The following HERC1 variants were observed in gnomAD, a reference collection of about 807,000 sequenced individuals.
The protein encoded by HERC1 is probable E3 ubiquitin-protein ligase HERC1.
Under a neutral mutation model 554.3 loss-of-function variants are expected in HERC1, and 160 were observed. The ratio of observed to expected loss-of-function variants is 0.29; its 90% CI spans 0.25 to 0.33. HERC1 has a LOEUF of 0.33. Among genes scored for constraint, HERC1 ranks in the 10% least tolerant of loss-of-function variants. The pLI, the probability that HERC1 is intolerant of heterozygous loss-of-function variation, is 1.00. For synonymous variants in HERC1, 2,175 were observed against 2,131.7 expected (o/e 1.02, Z -0.56); for missense variants, 4,919 against 5,918.5 (o/e 0.83, Z 5.54).
chr15:63,729,157 G>T, intron 16 of HERC1, 79 bp downstream of exon 16: 1 of 1,265,184 alleles, frequency 7.9e-7, no homozygotes, highest in Non-Finnish European at 1.1e-6. Flanking sequence ...GAGGCTTCTG[G>T]CTCTCTTAAG....
At chr15:63,673,616 A>C (rs1566996654) in intron 38 of HERC1, among the ~76,000 whole-genome samples, 1 of 53,794 alleles carries the variant, frequency 1.9e-5, no homozygotes, top group South Asian at 3.3e-4. Context: ...ATGTGAGGAT[A>C]CAAGATAAAA....
chr15:63,691,875 G>A (rs1227025388), intron 31 of HERC1, among the ~76,000 whole-genome samples: 2 of 152,172 alleles, frequency 1.3e-5, no homozygotes, highest in South Asian at 4.1e-4. Flanking sequence ...CAAATTTCAC[G>A]TTACGTGCAT....
At chr15:63,768,081 A>G (rs1417409293) in intron 2 of HERC1, among the ~76,000 whole-genome samples, 6 of 152,196 alleles carry the variant, frequency 3.9e-5, no homozygotes, top group Non-Finnish European at 7.3e-5. Context: ...ATAGCTTTCA[A>G]TAACTATGAT....
chr15:63,694,046 G>A lies in HERC1; in HGVS notation c.5592C>T (p.Phe1864=), dbSNP rs377348535. 202 of 1,602,550 alleles carry A rather than the reference G, an allele frequency of 1.3e-4. No individual in the cohort carries two copies. Among genetic ancestry groups the A allele is most frequent in the African/African-American group, 1.0e-3 (77 of 74,670 alleles). The change falls in exon 30 of 78, where the codon TTC becomes TTT. Residue 1864 remains phenylalanine (F), a synonymous_variant. Transcript: ENST00000443617. The surrounding 1 kb of genome is among the most constrained non-coding windows in gnomAD (Gnocchi z 4.3). The part of the protein sequence containing the change: ...SQTGVLHMAS[F]GEGEQEDGEE... ...CACCGTCTTCTTGCTCCCCTTCTCCGAAAGAGGCCATATGTAGTACACCAG... is the reference window on the plus strand; with the variant it reads ...CACCGTCTTCTTGCTCCCCTTCTCCAAAAGAGGCCATATGTAGTACACCAG...
chr15:63,744,164 G>GTGTGTCTCTC, intron 12 of HERC1, among the ~76,000 whole-genome samples: 8 of 46,218 alleles, frequency 1.7e-4, no homozygotes, highest in Non-Finnish European at 2.6e-4. Flanking sequence ...GTGTGTGTGT[G>GTGTGTCTCTC]TCTCTCTCTC....
chr15:63,801,781 T>A (rs753220134), intron 1 of HERC1, among the ~76,000 whole-genome samples: 4 of 152,192 alleles, frequency 2.6e-5, no homozygotes, highest in Non-Finnish European at 5.9e-5. Flanking sequence ...TCCTAGGGAT[T>A]CTATCTGCAG....
chr15:63,791,138 A>G (rs550244638), intron 1 of HERC1, among the ~76,000 whole-genome samples: 9 of 152,340 alleles, frequency 5.9e-5, no homozygotes, highest in Non-Finnish European at 1.2e-4. Flanking sequence ...GTTTGGGGAT[A>G]AATACCTGAG....
At chr15:63,704,489 CTCAG>C (rs1335836093) in intron 25 of HERC1, among the ~76,000 whole-genome samples, 4 of 152,234 alleles carry the variant, frequency 2.6e-5, no homozygotes, top group South Asian at 2.1e-4. Flanking sequence ...TCTTATGCTA[CTCAG>C]TAAGTCTGGA....
intron 76 of HERC1, among the ~76,000 whole-genome samples, chr15:63,613,884 G>A (rs1348015262): frequency 6.6e-6 from 1 of 152,160 alleles, no homozygotes; most frequent in Non-Finnish European, 1.5e-5. Context: ...GAGATTGGCA[G>A]TAAAGGCAGT....
intron 61 of HERC1, among the ~76,000 whole-genome samples, chr15:63,639,691 G>C (rs1815129): frequency 0.81 from 123,869 of 152,198 alleles, 52,270 homozygotes; most frequent in Non-Finnish European, 0.88. Context: ...ACAGTTTCTA[G>C]AGTAGACACT....
chr15:63,698,201 A>G (rs1023368614), intron 26 of HERC1, among the ~76,000 whole-genome samples: 1 of 152,104 alleles, frequency 6.6e-6, no homozygotes, highest in East Asian at 1.9e-4. Context: ...GGATCACCTG[A>G]GGTCAGAAGC....
intron 1 of HERC1, among the ~76,000 whole-genome samples, chr15:63,778,138 G>A (rs1158396197): frequency 1.3e-5 from 2 of 152,182 alleles, no homozygotes; most frequent in Non-Finnish European, 2.9e-5. Flanking sequence ...GCAAATAATT[G>A]TAAATAAAAA....
At chr15:63,624,933 T>C (rs2068236252) in intron 71 of HERC1, among the ~76,000 whole-genome samples, 1 of 152,220 alleles carries the variant, frequency 6.6e-6, no homozygotes. Flanking sequence ...ATCTATTTCC[T>C]TCCAGTTCTC....
intron 1 of HERC1, among the ~76,000 whole-genome samples, chr15:63,809,291 T>G (rs1225691439): frequency 6.6e-6 from 1 of 152,174 alleles, no homozygotes; most frequent in East Asian, 1.9e-4. Context: ...CAGTCCTATT[T>G]GTACATTTTT....
chr15:63,681,683 T>C (rs893127169), intron 34 of HERC1, among the ~76,000 whole-genome samples: 5 of 152,198 alleles, frequency 3.3e-5, no homozygotes, highest in Admixed American at 6.5e-5. Flanking sequence ...CCTGCTCTCC[T>C]TCTGGGAGTA....
At chr15:63,638,191 T>C (rs954670468) in intron 63 of HERC1, among the ~76,000 whole-genome samples, 1 of 152,192 alleles carries the variant, frequency 6.6e-6, no homozygotes, top group Non-Finnish European at 1.5e-5. Flanking sequence ...ATGATGTTAG[T>C]TCATTAAACT....
intron 1 of HERC1, among the ~76,000 whole-genome samples, chr15:63,777,968 C>T (rs1213550485): frequency 6.6e-6 from 1 of 152,096 alleles, no homozygotes; most frequent in African/African-American, 2.4e-5. Flanking sequence ...GCTAGTTATA[C>T]CAACACCATT....
At position 63,678,014 on chromosome 15, in the gene HERC1, T is replaced by C; in HGVS notation, c.6901A>G (p.Ile2301Val). The C allele has an allele frequency of 5.0e-6, 8 of 1,613,968 alleles. No individual in the cohort carries two copies. The highest frequency in any genetic ancestry group is 2.2e-5 in the East Asian group (1 of 44,878). The change falls in exon 37 of 78, where the codon ATA becomes GTA. Residue 2301 changes from isoleucine to valine, a missense_variant. Transcript: ENST00000443617. ...LSELQLRTLCIEVWPVLAVIG... is the reference protein window; with the variant it reads ...LSELQLRTLCVEVWPVLAVIG... ...ACAGCCAGCACGGGCCACACCTCTA[T>C]GCAAAGAGTCCTCAGCTGCAGCTCT...
Position 63,612,632 on chromosome 15 carries a change from C to CATCAGGAGGCGCCTA in HERC1, c.14095-77_14095-76insTAGGCGCCTCCTGAT. The CATCAGGAGGCGCCTA allele has an allele frequency of 6.9e-7, 1 of 1,448,126 alleles. No individual in the cohort carries two copies. The highest frequency in any genetic ancestry group is 9.4e-7 in the Non-Finnish European group (1 of 1,062,426). 89.7% of individuals were successfully genotyped at this position (1,448,126 alleles called of 1,614,324 possible). A position where few individuals can be genotyped will look rare whatever the true frequency, so the allele number is the denominator to read the frequency against. ...CCACCAAGGGCCCTGTGGGGCTAGG[C>CATCAGGAGGCGCCTA]GCCTCCTGATGCCTGCTCGTCCGCT... On this transcript the variant is annotated intron_variant, in intron 76 of 77. Coordinates refer to ENST00000443617, the MANE Select transcript of HERC1 (RefSeq NM_003922.4). The surrounding 1 kb of genome is among the most constrained non-coding windows in gnomAD (Gnocchi z 5.0).
Sources: gnomAD v4.1 joint callset for allele counts (sites outside exome capture counted in the v4.1 genomes callset) on GRCh38, gnomAD v4.1.1 for gene constraint, Gnocchi (gnomAD v3.1) non-coding constraint, MANE v1.5 for transcripts, NCBI Gene and HGNC (gene_info 2026-07-23, HGNC 2026-07-21) for gene names.